Variants in HNRNPA3 observed in about 807,000 individuals in gnomAD.
HNRNPA3 encodes the protein heterogeneous nuclear ribonucleoprotein A3.
In HNRNPA3, 3 loss-of-function variants were observed where a neutral mutation model predicts 45.8. The observed-to-expected ratio is 0.07, with a 90% CI of 0.03 to 0.17. The LOEUF (loss-of-function observed/expected upper bound fraction) is 0.17, where lower values mean the gene tolerates loss of function less well. Among genes scored for constraint, HNRNPA3 ranks in the 10% least tolerant of loss-of-function variants. The pLI is 1.00. For missense variants in HNRNPA3, 183 were observed against 480.3 expected (o/e 0.38, Z 5.79); for synonymous variants, 170 against 155.6 (o/e 1.09, Z -0.69).
chr2:177,214,781 C>T (rs1213226339), intron 1 of HNRNPA3, among the ~76,000 whole-genome samples: 2 of 152,080 alleles, frequency 1.3e-5, no homozygotes, highest in African/African-American at 4.8e-5. Flanking sequence ...GGCGACAGAG[C>T]GAGACTCAGT....
At chr2:177,215,081 CTT>C (rs1325377032) in intron 1 of HNRNPA3, among the ~76,000 whole-genome samples, 1 of 152,092 alleles carries the variant, frequency 6.6e-6, no homozygotes, top group Non-Finnish European at 1.5e-5. Context: ...CAGTTGAAGT[CTT>C]ATTTCTGGTC....
intron 8 of HNRNPA3, among the ~76,000 whole-genome samples, chr2:177,218,350 C>A (rs1489907478): frequency 6.6e-6 from 1 of 152,152 alleles, no homozygotes; most frequent in African/African-American, 2.4e-5. Flanking sequence ...GCATGAGCCA[C>A]TGCACTCAGC....
At position 177,219,237 on chromosome 2, in the gene HNRNPA3, A is replaced by G. The variant is rs1159819780; in HGVS notation, c.1085-10A>G. On this transcript the variant is annotated splice_polypyrimidine_tract_variant and intron_variant, in intron 9 of 10. Transcript: ENST00000392524. ...GCATACTTCTTTTAAAATACTATGT[A>G]TATTTTCAGGTGGTTATGGATCTGG... 1.2e-6 allele frequency: 2 copies of G among 1,613,002 alleles called. No homozygotes were observed. The highest frequency in any genetic ancestry group is 1.7e-5 in the Admixed American group (1 of 59,860).
exon 11 of HNRNPA3, chr2:177,220,032 A>T (rs1689123000): frequency 6.6e-6 from 1 of 152,614 alleles, no homozygotes; most frequent in Non-Finnish European, 1.5e-5. Context: ...GTGTGTTTGC[A>T]ATGTGTGTTT....
At chr2:177,214,822 T>G (rs1234182110) in intron 1 of HNRNPA3, among the ~76,000 whole-genome samples, 2 of 152,104 alleles carry the variant, frequency 1.3e-5, no homozygotes, top group African/African-American at 4.8e-5. Flanking sequence ...AAAAATTAAA[T>G]GCATGTTGGG....
chr2:177,222,435 TTG>T (rs1377536736), downstream of HNRNPA3: 1 of 152,212 alleles, frequency 6.6e-6, no homozygotes, highest in East Asian at 1.9e-4. Context: ...GAAAACCGTT[TTG>T]GTGTGTAAGC....
Position 177,219,166 on chromosome 2 carries a change from A to G in HNRNPA3, c.1084+7A>G, listed in dbSNP as rs1689084160. 1 of 1,612,600 alleles carries G rather than the reference A, an allele frequency of 6.2e-7. No individual in the cohort carries two copies. The highest frequency in any genetic ancestry group is 1.3e-5 in the African/African-American group (1 of 74,780). ...TCGGGCAGTCCCTATGGTGGTAAGT[A>G]CTTTCTTAAATCAATTCTTTAGAGC... On this transcript the variant is annotated splice_region_variant and intron_variant, in intron 9 of 10. Transcript: ENST00000392524.
chr2:177,215,930 T>C, intron 3 of HNRNPA3, 34 bp downstream of exon 3: 10 of 1,596,506 alleles, frequency 6.3e-6, no homozygotes, highest in Non-Finnish European at 8.5e-6. Flanking sequence ...ATATGTGAAA[T>C]TGTTGTGAAA....
At chr2:177,222,751 T>G (rs1207550719), downstream of HNRNPA3, 1 of 152,632 alleles carries the variant, frequency 6.6e-6, no homozygotes. Context: ...ACTGCCCCAC[T>G]GTATTCCAGC....
chr2:177,213,568 C>T (rs947753902), intron 1 of HNRNPA3, among the ~76,000 whole-genome samples: 13 of 152,188 alleles, frequency 8.5e-5, no homozygotes, highest in African/African-American at 2.7e-4. Flanking sequence ...AAAATACTTC[C>T]TGATATATTT....
chr2:177,218,572 A>G (rs749299295), intron 8 of HNRNPA3, among the ~76,000 whole-genome samples: 5 of 152,210 alleles, frequency 3.3e-5, no homozygotes, highest in Non-Finnish European at 5.9e-5. Context: ...AGGTTAACAA[A>G]GTACTTTGGG....
exon 1 of HNRNPA3, chr2:177,212,812 C>T (rs1426538923): frequency 1.3e-6 from 2 of 1,565,096 alleles, no homozygotes; most frequent in Admixed American, 1.8e-5. Context: ...GGAGGTAAAA[C>T]CGCCGCCCGG....
At chr2:177,215,686 G>A (rs370182722) in intron 2 of HNRNPA3, 25 bp downstream of exon 2, 1 of 1,613,710 alleles carries the variant, frequency 6.2e-7, no homozygotes, top group Non-Finnish European at 8.5e-7. Flanking sequence ...GAACAGAAGG[G>A]TTCTAAGGGG....
downstream of HNRNPA3, chr2:177,220,610 C>T (rs1689147741): frequency 6.6e-6 from 1 of 152,544 alleles, no homozygotes; most frequent in Admixed American, 6.5e-5. Flanking sequence ...GTATAATTGT[C>T]CAAAATAACC....
At chr2:177,215,240 G>T (rs766001673) in intron 1 of HNRNPA3, among the ~76,000 whole-genome samples, 3 of 151,964 alleles carry the variant, frequency 2.0e-5, no homozygotes, top group Admixed American at 1.3e-4. Context: ...GATTACAGAC[G>T]CCCGCCACCA....
chr2:177,223,567 A>C (rs1286809780), downstream of HNRNPA3: 1 of 152,238 alleles, frequency 6.6e-6, no homozygotes, highest in Non-Finnish European at 1.5e-5. Context: ...AACTAATTGA[A>C]ATAGGCTTGG....
chr2:177,213,505 T>C (rs1373380004), intron 1 of HNRNPA3, among the ~76,000 whole-genome samples: 1 of 152,248 alleles, frequency 6.6e-6, no homozygotes, highest in Admixed American at 6.5e-5. Context: ...GCCTTTTCTT[T>C]TTTTCGCAGC....
intron 8 of HNRNPA3, among the ~76,000 whole-genome samples, chr2:177,218,070 T>C (rs1689032105): frequency 1.5e-5 from 1 of 66,072 alleles, no homozygotes; most frequent in African/African-American, 4.1e-5. Flanking sequence ...TTTTTTTTTT[T>C]TTTTTTTTTG....
At chr2:177,217,901 C>T in intron 8 of HNRNPA3, 56 bp downstream of exon 8, 4 of 1,412,982 alleles carry the variant, frequency 2.8e-6, no homozygotes, top group South Asian at 1.4e-5. Context: ...CTAACAGTTC[C>T]CATGACACAT....
Sources: gnomAD v4.1 joint callset for allele counts (sites outside exome capture counted in the v4.1 genomes callset) on GRCh38, gnomAD v4.1.1 for gene constraint, MANE v1.5 for transcripts, NCBI Gene and HGNC (gene_info 2026-07-23, HGNC 2026-07-21) for gene names.